Variants in C1orf146 observed in about 807,000 individuals in gnomAD.
The protein encoded by C1orf146 is protein SPO16 homolog.
Under a neutral mutation model 23.0 loss-of-function variants are expected in C1orf146, and 22 were observed. The observed-to-expected ratio is 0.96, with a 90% confidence interval of 0.68 to 1.36. The LOEUF is 1.36. Ranked by LOEUF, C1orf146 falls within the 40% of genes most tolerant of loss-of-function variation. The pLI is 0.00. For synonymous variants in C1orf146, 59 were observed against 65.3 expected (o/e 0.90, Z 0.47); for missense variants, 199 against 206.8 (o/e 0.96, Z 0.23).
rs573845410 is a variant in C1orf146 at position 92,231,582 on chromosome 1, C to G, written c.66+96C>G. 322 of 716,762 alleles carry G rather than the reference C, an allele frequency of 4.5e-4. 2 individuals are homozygous for G. In the African/African-American group the frequency reaches 5.4e-3, roughly 12 times the overall value. 44.4% of individuals were successfully genotyped at this position (716,762 alleles called of 1,614,324 possible). A position where few individuals can be genotyped will look rare whatever the true frequency, so the allele number is the denominator to read the frequency against. On this transcript the variant is annotated intron_variant, in intron 2 of 5. Coordinates refer to ENST00000370375, the MANE Select transcript of C1orf146 (RefSeq NM_001012425.2). Reference sequence around the variant, plus strand: ...TTTAAAAGGTTCTTAGCTTAATTATCCACAATTAATTGTGGGGAGCAGGAA... The same window carrying G: ...TTTAAAAGGTTCTTAGCTTAATTATGCACAATTAATTGTGGGGAGCAGGAA...
intron 2 of C1orf146, among the ~76,000 whole-genome samples, chr1:92,237,094 CTTCTCTCAACTCGTT>C (rs1652298710): frequency 6.6e-6 from 1 of 152,162 alleles, no homozygotes; most frequent in Admixed American, 6.5e-5. Context: ...CTGAAGCCTT[CTTCTCTCAACTCGTT>C]AAAGTCATTC....
Position 92,231,381 on chromosome 1 carries a change from G to T in C1orf146, c.-39-1G>T. On this transcript the variant is annotated splice_acceptor_variant, in intron 1 of 5. Coordinates refer to ENST00000370375, the MANE Select transcript of C1orf146 (RefSeq NM_001012425.2). LOFTEE classifies it low-confidence loss of function (5UTR_SPLICE). ...ATTCTTTGTGTTCTTAATTTTCTCA[G>T]ATTGTTGCACCATTAGAAGCTAGGT... 1 of 1,398,546 alleles carries T rather than the reference G, an allele frequency of 7.2e-7. No homozygotes were observed. Among genetic ancestry groups the T allele is most frequent in the Non-Finnish European group, 9.8e-7 (1 of 1,018,640 alleles). 86.6% of individuals were successfully genotyped at this position (1,398,546 alleles called of 1,614,324 possible). A position where few individuals can be genotyped will look rare whatever the true frequency, so the allele number is the denominator to read the frequency against.
intron 1 of C1orf146, among the ~76,000 whole-genome samples, chr1:92,226,416 T>TAC (rs796686364): frequency 0.012 from 1,327 of 114,070 alleles, 10 homozygotes; most frequent in African/African-American, 0.032. Flanking sequence ...CACACACACA[T>TAC]ACACACACAC....
chr1:92,223,991 T>TTTG lies in C1orf146; in HGVS notation c.-40+5958_-40+5960dup, dbSNP rs764346737. Among the ~76,000 whole-genome samples the TTTG allele has an allele frequency of 3.6e-4, 54 of 150,494 alleles. 1 individual carries two copies. The highest frequency in any genetic ancestry group is 1.1e-3 in the African/African-American group (44 of 41,208). On this transcript the variant is annotated intron_variant, in intron 1 of 5. Coordinates refer to ENST00000370375, the MANE Select transcript of C1orf146 (RefSeq NM_001012425.2). ...TAAATGTAGGTGTTACTGGTGCAGT[T>TTTG]TTGTTGTTGTTGTTGTTTTATTTTA...
At chr1:92,238,335 TG>T (rs553668294) in intron 2 of C1orf146, among the ~76,000 whole-genome samples, 106 of 152,292 alleles carry the variant, frequency 7.0e-4, no homozygotes, top group African/African-American at 2.3e-3. Flanking sequence ...GTTAAACAAG[TG>T]TTTTTTTGTT....
chr1:92,233,462 G>C (rs1328271672), intron 2 of C1orf146, among the ~76,000 whole-genome samples: 1 of 152,108 alleles, frequency 6.6e-6, no homozygotes. Context: ...CTGTTCCGTT[G>C]ATCTATATCT....
At chr1:92,222,546 T>G (rs1466497909) in intron 1 of C1orf146, among the ~76,000 whole-genome samples, 2 of 150,580 alleles carry the variant, frequency 1.3e-5, no homozygotes, top group Non-Finnish European at 1.5e-5. Context: ...TTTTTTTTTT[T>G]TTTTTTTTTT....
intron 1 of C1orf146, among the ~76,000 whole-genome samples, chr1:92,222,711 C>T (rs1228469593): frequency 5.9e-5 from 9 of 151,370 alleles, no homozygotes; most frequent in Non-Finnish European, 1.2e-4. Context: ...TTCAGCCTCC[C>T]GAGTAGCTGG....
rs1652033642 is a variant in C1orf146, at chr1:92,228,875, A to G, written c.-39-2507A>G. 3 of 394,866 alleles carry G rather than the reference A, an allele frequency of 7.6e-6. No individual in the cohort carries two copies. In the Admixed American group the frequency reaches 9.3e-5, roughly 12 times the overall value. The allele number at this position is 394,866 out of a possible 1,614,324, so 24.5% of individuals were successfully genotyped here. The stretch of plus-strand genomic sequence containing the variant: ...TGATCCAGTGCTGATATCAGATACT[A>G]GCTTCAAGGACAATTTCTTTTCGAA... On this transcript the variant is annotated intron_variant, in intron 1 of 5. Coordinates refer to ENST00000370375, the MANE Select transcript of C1orf146 (RefSeq NM_001012425.2).
intron 1 of C1orf146, among the ~76,000 whole-genome samples, chr1:92,218,333 G>A (rs1404753615): frequency 6.6e-6 from 1 of 152,110 alleles, no homozygotes; most frequent in Admixed American, 6.5e-5. Context: ...AGTAAAGAAT[G>A]GAAGAGACCG....
At chr1:92,232,353 T>G (rs1652149901) in intron 2 of C1orf146, among the ~76,000 whole-genome samples, 2 of 149,156 alleles carry the variant, frequency 1.3e-5, no homozygotes, top group Admixed American at 6.8e-5. Flanking sequence ...AGTGAGAACA[T>G]GCGGTGTTTG....
Position 92,245,767 on chromosome 1 carries a change from A to C in C1orf146, c.*93A>C, listed in dbSNP as rs1306341595. ...ATATCTATTTAAAGACATTTATATT[A>C]ATTTGAAATAATAACATATACAATT... On this transcript the variant is annotated 3_prime_UTR_variant, in exon 6 of 6. Transcript: ENST00000370375. 4 of 746,554 alleles carry C rather than the reference A, an allele frequency of 5.4e-6. No homozygotes were observed. The highest frequency in any genetic ancestry group is 6.1e-6 in the Non-Finnish European group (3 of 491,400). 46.2% of individuals were successfully genotyped at this position (746,554 alleles called of 1,614,324 possible).
chr1:92,219,562 AATGGG>A (rs577600905), intron 1 of C1orf146, among the ~76,000 whole-genome samples: 5 of 128,304 alleles, frequency 3.9e-5, no homozygotes, highest in African/African-American at 1.5e-4. Context: ...GGAGTGCAGG[AATGGG>A]ATCTCAGGTC....
chr1:92,219,023 T>C (rs760325178), intron 1 of C1orf146, among the ~76,000 whole-genome samples: 1 of 152,234 alleles, frequency 6.6e-6, no homozygotes, highest in Non-Finnish European at 1.5e-5. Context: ...TTAAATTGTT[T>C]TTAAAACCTA....
rs750501370 is a variant in C1orf146, at chr1:92,226,408, CACACACAT to C, written c.-39-4966_-39-4959del. 1.9e-3 allele frequency among the ~76,000 whole-genome samples: 274 copies of C among 147,938 alleles called. 2 individuals carry two copies. Among genetic ancestry groups the C allele is most frequent in the Admixed American group, 6.3e-3 (93 of 14,872 alleles). On this transcript the variant is annotated intron_variant, in intron 1 of 5. Transcript: ENST00000370375. ...GCATACATGCACGCATGCACACACA[CACACACAT>C]ACACACACACACACACTTGACCCAA...
At chr1:92,240,231 G>A (rs1652398169) in intron 2 of C1orf146, among the ~76,000 whole-genome samples, 1 of 152,178 alleles carries the variant, frequency 6.6e-6, no homozygotes, top group Non-Finnish European at 1.5e-5. Context: ...CCTCTCTTCT[G>A]CCTCTTTCTG....
At chr1:92,235,939 CTTTT>C (rs1160330088) in intron 2 of C1orf146, among the ~76,000 whole-genome samples, 1 of 151,658 alleles carries the variant, frequency 6.6e-6, no homozygotes, top group African/African-American at 2.4e-5. Context: ...CAACCCCTGC[CTTTT>C]TTTGTTTTCC....
intron 1 of C1orf146, among the ~76,000 whole-genome samples, chr1:92,225,387 G>A (rs1308682477): frequency 6.6e-6 from 1 of 152,156 alleles, no homozygotes; most frequent in African/African-American, 2.4e-5. Context: ...GATTACAGGC[G>A]TGAGCCACTG....
chr1:92,244,946 A>AT (rs1318100166), intron 5 of C1orf146, 89 bp downstream of exon 5: 41 of 748,788 alleles, frequency 5.5e-5, no homozygotes, highest in Admixed American at 1.6e-4. Flanking sequence ...AGACTGGCAA[A>AT]TATCATGCTT....
Sources: allele counts gnomAD v4.1 joint callset (sites outside exome capture counted in the v4.1 genomes callset), GRCh38; gene constraint gnomAD v4.1.1; transcripts MANE v1.5; gene names NCBI Gene and HGNC (gene_info 2026-07-23, HGNC 2026-07-21).